PCDHGA10: variants seen among roughly 807,000 people sequenced by gnomAD.
PCDHGA10 encodes protocadherin gamma-A10.
In PCDHGA10, 42 loss-of-function variants were observed where a neutral mutation model predicts 59.5. That is an observed-to-expected ratio of 0.71 (90% CI 0.55 to 0.91). The LOEUF is 0.91. Among genes scored for constraint, PCDHGA10 ranks in the 40% least tolerant of loss-of-function variants. The pLI is 0.00. For missense variants in PCDHGA10, 1,111 were observed against 1,198.2 expected (o/e 0.93, Z 1.07); for synonymous variants, 511 against 517.2 (o/e 0.99, Z 0.16).
At chr5:141,443,631 T>C (rs541727440) in intron 1 of PCDHGA10, among the ~76,000 whole-genome samples, 1 of 152,332 alleles carries the variant, frequency 6.6e-6, no homozygotes, top group South Asian at 2.1e-4. Context: ...ATTGTAAAAA[T>C]TGATCCAGAT....
At chr5:141,426,507 C>G in intron 1 of PCDHGA10, 1 of 342,512 alleles carries the variant, frequency 2.9e-6, no homozygotes, top group Non-Finnish European at 5.8e-6. Context: ...AGAAACAATA[C>G]TTTACCGTGA....
intron 1 of PCDHGA10, among the ~76,000 whole-genome samples, chr5:141,457,898 A>T (rs1035775197): frequency 6.6e-6 from 1 of 151,874 alleles, no homozygotes; most frequent in Non-Finnish European, 1.5e-5. Context: ...GACTGTGTAG[A>T]CAAGGTGTGA....
chr5:141,504,680 A>G (rs912248504), intron 2 of PCDHGA10, among the ~76,000 whole-genome samples: 1 of 150,294 alleles, frequency 6.7e-6, no homozygotes, highest in Non-Finnish European at 1.5e-5. Flanking sequence ...GGGTTCTTGT[A>G]AAATAGGAGG....
At chr5:141,510,580 G>A (rs947369646) in intron 3 of PCDHGA10, among the ~76,000 whole-genome samples, 7 of 152,248 alleles carry the variant, frequency 4.6e-5, no homozygotes, top group South Asian at 2.1e-4. Flanking sequence ...ACTATTTTAC[G>A]TACCTGACAT....
intron 1 of PCDHGA10, chr5:141,419,231 C>G (rs1309708358): frequency 2.5e-6 from 4 of 1,614,026 alleles, no homozygotes; most frequent in Admixed American, 1.7e-5. Context: ...GTCAGCCTAC[C>G]TGGTCCACGT....
At chr5:141,505,816 C>A (rs1236221927) in intron 3 of PCDHGA10, among the ~76,000 whole-genome samples, 2 of 152,178 alleles carry the variant, frequency 1.3e-5, no homozygotes, top group African/African-American at 4.8e-5. Flanking sequence ...CTTGCTCAAT[C>A]TCTCTAAACC....
intron 1 of PCDHGA10, among the ~76,000 whole-genome samples, chr5:141,455,289 A>C (rs1592356100): frequency 6.6e-6 from 1 of 152,074 alleles, no homozygotes; most frequent in South Asian, 2.1e-4. Flanking sequence ...ATCACTTTAC[A>C]TAGTTTCATC....
chr5:141,486,153 C>A lies in PCDHGA10; in HGVS notation c.2437-8654C>A, dbSNP rs1330257915. On this transcript the variant is annotated intron_variant, in intron 1 of 3. Coordinates refer to ENST00000398610, the MANE Select transcript of PCDHGA10 (RefSeq NM_018913.3). This position sits in a 1 kb window ranked among gnomAD's most constrained non-coding sequence, Gnocchi z 5.0. ...GATGTGCGGGCTCGCGATGGGGGTTCTCCAGCCATGGAGCAACATTGCAGC... is the reference window on the plus strand; with the variant it reads ...GATGTGCGGGCTCGCGATGGGGGTTATCCAGCCATGGAGCAACATTGCAGC... 6.2e-7 allele frequency: 1 copy of A among 1,614,202 alleles called. No individual in the cohort carries two copies. The highest frequency in any genetic ancestry group is 1.7e-5 in the Admixed American group (1 of 60,022).
In PCDHGA10 at chr5:141,477,125, A is replaced by G; in HGVS notation, c.2437-17682A>G. The G allele has an allele frequency of 2.5e-6, 4 of 1,614,212 alleles. No individual in the cohort carries two copies. The highest frequency in any genetic ancestry group is 3.4e-6 in the Non-Finnish European group (4 of 1,180,036). On this transcript the variant is annotated intron_variant, in intron 1 of 3. Transcript: ENST00000398610. This position sits in a 1 kb window ranked among gnomAD's most constrained non-coding sequence, Gnocchi z 4.9. ...CGCCAATCCCGAAGGAGCACATTGC[A>G]AAGTGTTGGTGGAGGTTGTGGATGT...
intron 1 of PCDHGA10, chr5:141,484,980 A>C (rs1387732109): frequency 1.7e-6 from 1 of 593,836 alleles, no homozygotes; most frequent in Admixed American, 3.1e-5. Flanking sequence ...CTGTCTGCCA[A>C]TCGGGTGGTG....
intron 1 of PCDHGA10, among the ~76,000 whole-genome samples, chr5:141,456,887 C>T (rs112521083): frequency 0.042 from 6,384 of 152,090 alleles, 167 homozygotes; most frequent in Middle Eastern, 0.088. Flanking sequence ...CGCTTGAACC[C>T]GGGAGGCAGA....
chr5:141,491,542 G>T lies in PCDHGA10; in HGVS notation c.2437-3265G>T, dbSNP rs112433306. The T allele has an allele frequency of 6.2e-7, 1 of 1,613,898 alleles. No homozygotes were observed. Among genetic ancestry groups the T allele is most frequent in the Admixed American group, 1.7e-5 (1 of 60,006 alleles). On this transcript the variant is annotated intron_variant, in intron 1 of 3. Transcript: ENST00000398610. This position sits in a 1 kb window ranked among gnomAD's most constrained non-coding sequence, Gnocchi z 6.9. ...CATGGAGGTGACGCTGCGGCCCACA[G>T]ACTCGCAGAGCCACTGCTACAGGAC...
In PCDHGA10 at chr5:141,413,562, T is replaced by C; in HGVS notation, c.387T>C (p.Asp129=). Residue 129 remains aspartate, a synonymous_variant, in exon 1 of 4, where the codon GAT becomes GAC. Transcript: ENST00000398610. ...KLFGIEIEVT[D]INDNAPKFQA... Reference sequence around the variant, plus strand: ...TTGGGATAGAAATAGAAGTAACTGATATCAATGACAATGCTCCAAAATTCC... The same window carrying C: ...TTGGGATAGAAATAGAAGTAACTGACATCAATGACAATGCTCCAAAATTCC... 1 of 1,613,850 alleles carries C rather than the reference T, an allele frequency of 6.2e-7. No individual in the cohort carries two copies. The highest frequency in any genetic ancestry group is 8.5e-7 in the Non-Finnish European group (1 of 1,179,890).
chr5:141,438,754 T>C (rs1213047429), intron 1 of PCDHGA10, among the ~76,000 whole-genome samples: 3 of 148,368 alleles, frequency 2.0e-5, no homozygotes, highest in African/African-American at 5.0e-5. Context: ...CTCTGCCTCC[T>C]GGGTTCAAGC....
In PCDHGA10 at chr5:141,491,961, G is replaced by A. The variant is rs891299192; in HGVS notation, c.2437-2846G>A. 3 of 970,010 alleles carry A rather than the reference G, an allele frequency of 3.1e-6. No individual in the cohort carries two copies. The highest frequency in any genetic ancestry group is 4.3e-6 in the Non-Finnish European group (3 of 693,098). 60.1% of individuals were successfully genotyped at this position (970,010 alleles called of 1,614,324 possible). On this transcript the variant is annotated intron_variant, in intron 1 of 3. Transcript: ENST00000398610. This position sits in a 1 kb window ranked among gnomAD's most constrained non-coding sequence, Gnocchi z 6.9. ...GACCCCCACCCCTACACTCAAAAAAGGCCGGGGCCTCCTTCGAGCTTCCGG... is the reference window on the plus strand; with the variant it reads ...GACCCCCACCCCTACACTCAAAAAAAGCCGGGGCCTCCTTCGAGCTTCCGG...
chr5:141,417,663 C>T (rs2096144136), intron 1 of PCDHGA10: 8 of 901,900 alleles, frequency 8.9e-6, no homozygotes, highest in Non-Finnish European at 1.3e-5. Flanking sequence ...CCTGGGATTC[C>T]CTGCGCAGCC....
Position 141,490,672 on chromosome 5 carries a change from G to T in PCDHGA10, c.2437-4135G>T. The T allele has an allele frequency of 6.2e-7, 1 of 1,614,114 alleles. No homozygotes were observed. Among genetic ancestry groups the T allele is most frequent in the Non-Finnish European group, 8.5e-7 (1 of 1,179,996 alleles). ...GGGCTCCCTTCTTTGCACTGTGGCT[G>T]CCTCAGATCCAGACACTGGGGATAA... On this transcript the variant is annotated intron_variant, in intron 1 of 3. Coordinates refer to ENST00000398610, the MANE Select transcript of PCDHGA10 (RefSeq NM_018913.3). The surrounding 1 kb of genome is among the most constrained non-coding windows in gnomAD (Gnocchi z 5.4).
chr5:141,469,830 A>G (rs184478661), intron 1 of PCDHGA10, among the ~76,000 whole-genome samples: 1 of 152,124 alleles, frequency 6.6e-6, no homozygotes, highest in African/African-American at 2.4e-5. Flanking sequence ...GGTCACATAA[A>G]ACTTATTCTT....
intron 1 of PCDHGA10, chr5:141,419,541 G>A: frequency 6.2e-7 from 1 of 1,612,076 alleles, no homozygotes; most frequent in Non-Finnish European, 8.5e-7. Context: ...AACGCACCGC[G>A]GGTGCTGTAC....
Sources: allele counts gnomAD v4.1 joint callset (sites outside exome capture counted in the v4.1 genomes callset), GRCh38; gene constraint gnomAD v4.1.1; non-coding constraint Gnocchi (gnomAD v3.1); transcripts MANE v1.5; gene names NCBI Gene and HGNC (gene_info 2026-07-23, HGNC 2026-07-21).